Variants in SMYD3 observed in about 807,000 individuals in gnomAD.
SMYD3 encodes SET and MYND domain containing 3.
A neutral mutation model predicts 57.7 loss-of-function variants in SMYD3; 36 were observed. That is an observed-to-expected ratio of 0.62 (90% CI 0.48 to 0.82). The LOEUF (loss-of-function observed/expected upper bound fraction) is 0.82, where lower values mean the gene tolerates loss of function less well. Among genes scored for constraint, SMYD3 ranks in the 40% least tolerant of loss-of-function variants. The probability of loss-of-function intolerance (pLI) is 0.00; values close to 1 mark genes in which losing one functional copy is unlikely to be tolerated. For synonymous variants in SMYD3, 211 were observed against 195.0 expected, an observed-to-expected ratio of 1.08 and a Z score of -0.68; for missense variants, 515 against 538.8, an observed-to-expected ratio of 0.96 and a Z score of 0.44.
rs1177945526 is a variant in SMYD3 at position 246,203,912 on chromosome 1, A to G, written c.531+123289T>C. On this transcript the variant is annotated intron_variant, in intron 5 of 11. Transcript: ENST00000490107. The surrounding 1 kb of genome is among the most constrained non-coding windows in gnomAD (Gnocchi z 4.6). ...CTAGCTGCTTCCCATCACTGCCAAG[A>G]TGTGAAAATACCCTAAACTAGAAGT... 6.6e-6 allele frequency among the ~76,000 whole-genome samples: 1 copy of G among 152,176 alleles called. No homozygotes were observed. Among genetic ancestry groups the G allele is most frequent in the African/African-American group, 2.4e-5 (1 of 41,444 alleles).
chr1:246,209,582 TAAA>T (rs67869737), intron 5 of SMYD3, among the ~76,000 whole-genome samples: 1 of 148,154 alleles, frequency 6.7e-6, no homozygotes, highest in Non-Finnish European at 1.5e-5. Context: ...AGCATTGGGG[TAAA>T]AAAAAAAAAA....
intron 5 of SMYD3, among the ~76,000 whole-genome samples, chr1:245,955,201 C>T (rs2057796083): frequency 6.6e-6 from 1 of 152,204 alleles, no homozygotes; most frequent in Admixed American, 6.5e-5. Context: ...ACGCCATTCT[C>T]CTGCCTCAGC....
chr1:245,786,221 G>GA (rs898835942), intron 10 of SMYD3, among the ~76,000 whole-genome samples: 1 of 147,354 alleles, frequency 6.8e-6, no homozygotes, highest in African/African-American at 2.5e-5. Context: ...GACGGGGGGG[G>GA]GATGGTGGCA....
chr1:246,321,329 T>A (rs188433473), intron 5 of SMYD3, among the ~76,000 whole-genome samples: 16 of 152,336 alleles, frequency 1.1e-4, no homozygotes, highest in African/African-American at 3.8e-4. Context: ...AAATTAATAA[T>A]ATGTGTCAGA....
chr1:245,791,124 C>G (rs929580111), intron 10 of SMYD3, among the ~76,000 whole-genome samples: 1 of 152,160 alleles, frequency 6.6e-6, no homozygotes, highest in African/African-American at 2.4e-5. Flanking sequence ...TACATCCCTA[C>G]CAGACAAGCA....
chr1:246,065,508 C>A (rs983103954), intron 5 of SMYD3, among the ~76,000 whole-genome samples: 2 of 152,170 alleles, frequency 1.3e-5, no homozygotes, highest in East Asian at 1.9e-4. Context: ...GCCTTGTAAT[C>A]CCAGATTTAC....
intron 5 of SMYD3, among the ~76,000 whole-genome samples, chr1:246,089,291 T>G (rs1215556319): frequency 6.6e-6 from 1 of 152,214 alleles, no homozygotes; most frequent in Non-Finnish European, 1.5e-5. Context: ...TCGACCCTAC[T>G]TTTAGAAAAT....
chr1:246,181,317 T>A (rs2062547913), intron 5 of SMYD3, among the ~76,000 whole-genome samples: 1 of 152,188 alleles, frequency 6.6e-6, no homozygotes, highest in African/African-American at 2.4e-5. Context: ...TAGTCTCAGC[T>A]CTAGTGGAAG....
intron 5 of SMYD3, among the ~76,000 whole-genome samples, chr1:245,971,586 C>CT (rs1219721811): frequency 6.6e-6 from 1 of 152,218 alleles, no homozygotes; most frequent in African/African-American, 2.4e-5. Flanking sequence ...GAGGGAAAAC[C>CT]TGAGCTTAGG....
chr1:245,980,343 T>G (rs888836002), intron 5 of SMYD3, among the ~76,000 whole-genome samples: 1 of 152,196 alleles, frequency 6.6e-6, no homozygotes, highest in African/African-American at 2.4e-5. Context: ...CTTCATCGAC[T>G]CCACTCCTGT....
chr1:246,434,918 TTAGA>T (rs1429126043), intron 1 of SMYD3, among the ~76,000 whole-genome samples: 1 of 152,164 alleles, frequency 6.6e-6, no homozygotes, highest in African/African-American at 2.4e-5. Flanking sequence ...CAATAGTGGT[TTAGA>T]TAAAGAAAAC....
intron 5 of SMYD3, among the ~76,000 whole-genome samples, chr1:246,251,508 G>T (rs76319035): frequency 0.09 from 6,647 of 73,466 alleles, 785 homozygotes; most frequent in East Asian, 0.36. Flanking sequence ...AGTAGGTGCC[G>T]CGGACACTGC....
intron 5 of SMYD3, among the ~76,000 whole-genome samples, chr1:246,227,232 G>A (rs2063342747): frequency 6.6e-6 from 1 of 152,180 alleles, no homozygotes; most frequent in Non-Finnish European, 1.5e-5. Context: ...AGAAAACTAA[G>A]TTTCTGTTTT....
intron 5 of SMYD3, among the ~76,000 whole-genome samples, chr1:246,055,848 G>C (rs1010040438): frequency 6.6e-6 from 1 of 152,144 alleles, no homozygotes; most frequent in Admixed American, 6.6e-5. Context: ...CCAGAGGCTG[G>C]GGCAAAAGGG....
chr1:246,340,588 G>A (rs1039091993), intron 2 of SMYD3, among the ~76,000 whole-genome samples: 1 of 152,058 alleles, frequency 6.6e-6, no homozygotes, highest in Non-Finnish European at 1.5e-5. Flanking sequence ...CTAGGATTTG[G>A]GGAAATAGGC....
At chr1:245,874,214 C>A (rs9287192) in intron 8 of SMYD3, among the ~76,000 whole-genome samples, 13,409 of 152,220 alleles carry the variant, frequency 0.088, 1,206 homozygotes, top group African/African-American at 0.23. Flanking sequence ...CTACCTTCTG[C>A]CAAACCAAGA....
chr1:246,320,461 G>A (rs950531777), intron 5 of SMYD3, among the ~76,000 whole-genome samples: 4 of 152,164 alleles, frequency 2.6e-5, no homozygotes, highest in African/African-American at 9.7e-5. Context: ...TGTGGCAGTT[G>A]CACAACATTA....
At chr1:246,445,832 C>T (rs1029124547) in intron 1 of SMYD3, among the ~76,000 whole-genome samples, 2 of 150,780 alleles carry the variant, frequency 1.3e-5, no homozygotes, top group Non-Finnish European at 1.5e-5. Context: ...CGGAGCTTTG[C>T]CTTTGAGTGG....
chr1:246,230,063 T>A, intron 5 of SMYD3, among the ~76,000 whole-genome samples: 1 of 152,178 alleles, frequency 6.6e-6, no homozygotes, highest in East Asian at 1.9e-4. Context: ...CAACGTTTAA[T>A]ATCACAGTAT....
Sources: allele counts gnomAD v4.1 joint callset (sites outside exome capture counted in the v4.1 genomes callset), GRCh38; gene constraint gnomAD v4.1.1; non-coding constraint Gnocchi (gnomAD v3.1); transcripts MANE v1.5; gene names NCBI Gene and HGNC (gene_info 2026-07-23, HGNC 2026-07-21).